The following GRIK1 variants were observed in gnomAD, a reference collection of about 807,000 sequenced individuals.
GRIK1 encodes glutamate receptor ionotropic, kainate 1.
Under a neutral mutation model 105.7 loss-of-function variants are expected in GRIK1, and 69 were observed. The observed-to-expected ratio is 0.65, with a 90% CI of 0.54 to 0.80. GRIK1 has a LOEUF of 0.80. Among genes scored for constraint, GRIK1 ranks in the 30% least tolerant of loss-of-function variants. The pLI, the probability that GRIK1 is intolerant of heterozygous loss-of-function variation, is 0.00. For missense variants in GRIK1, 1,109 were observed against 1,167.3 expected, an observed-to-expected ratio of 0.95 and a Z score of 0.73; for synonymous variants, 438 against 431.3, an observed-to-expected ratio of 1.02 and a Z score of -0.19.
At chr21:29,632,866 G>C (rs1225336581) in intron 7 of GRIK1, among the ~76,000 whole-genome samples, 1 of 152,156 alleles carries the variant, frequency 6.6e-6, no homozygotes, top group Non-Finnish European at 1.5e-5. Context: ...TTTCTTGTTG[G>C]AGACTGTTCA....
rs1360130324 is a variant in GRIK1, at chr21:29,596,372, A to G, written c.1251+154T>C. The G allele has an allele frequency of 6.6e-6, 5 of 755,688 alleles. No individual in the cohort carries two copies. In the African/African-American group the frequency reaches 8.5e-5, roughly 13 times the overall value. The allele number at this position is 755,688 out of a possible 1,614,324, so 46.8% of individuals were successfully genotyped here. On this transcript the variant is annotated intron_variant, in intron 9 of 17. Coordinates refer to ENST00000327783, the MANE Select transcript of GRIK1 (RefSeq NM_001330994.2). ...AGGTGATGTTGTTGAGAGAGATAAC[A>G]TATTCAATCACTCCTCTCTCTTTAC... is the stretch of plus-strand genomic sequence containing the variant.
intron 1 of GRIK1, among the ~76,000 whole-genome samples, chr21:29,780,811 C>T (rs943283645): frequency 2.6e-5 from 4 of 152,136 alleles, no homozygotes; most frequent in Non-Finnish European, 5.9e-5. Context: ...ATTGCTTCTG[C>T]CACACCTGCT....
intron 1 of GRIK1, among the ~76,000 whole-genome samples, chr21:29,811,410 A>G (rs931016778): frequency 2.0e-5 from 3 of 152,192 alleles, no homozygotes; most frequent in African/African-American, 4.8e-5. Flanking sequence ...TTGTGGGCAT[A>G]CAAATACAGT....
At chr21:29,652,907 T>C (rs555301338) in intron 5 of GRIK1, among the ~76,000 whole-genome samples, 1 of 152,366 alleles carries the variant, frequency 6.6e-6, no homozygotes, top group East Asian at 1.9e-4. Flanking sequence ...TGATGAACTC[T>C]CTCTTTCCCA....
chr21:29,647,429 C>A (rs1004339855), intron 6 of GRIK1, among the ~76,000 whole-genome samples: 1 of 152,156 alleles, frequency 6.6e-6, no homozygotes, highest in Non-Finnish European at 1.5e-5. Context: ...TCTTTCATCG[C>A]TGGAGTAGCA....
At chr21:29,825,230 G>A (rs960006318) in intron 1 of GRIK1, among the ~76,000 whole-genome samples, 2 of 152,024 alleles carry the variant, frequency 1.3e-5, no homozygotes, top group Admixed American at 6.6e-5. Context: ...GTTTATAGTG[G>A]CAAGAGCAAA....
chr21:29,932,369 A>G (rs943451472), intron 1 of GRIK1, among the ~76,000 whole-genome samples: 2 of 152,130 alleles, frequency 1.3e-5, no homozygotes, highest in African/African-American at 2.4e-5. Context: ...CTTACCTTAG[A>G]TTTCATTATG....
chr21:29,936,668 T>C (rs1178496904), intron 1 of GRIK1, among the ~76,000 whole-genome samples: 1 of 152,310 alleles, frequency 6.6e-6, no homozygotes, highest in Non-Finnish European at 1.5e-5. Flanking sequence ...TTGCATAAGA[T>C]TATAAACTTT....
At chr21:29,916,575 T>C (rs2071006958) in intron 1 of GRIK1, among the ~76,000 whole-genome samples, 1 of 151,848 alleles carries the variant, frequency 6.6e-6, no homozygotes, top group Non-Finnish European at 1.5e-5. Context: ...GAAAGAAAGA[T>C]AATAATCGAT....
intron 1 of GRIK1, among the ~76,000 whole-genome samples, chr21:29,848,279 G>A (rs1421413139): frequency 6.6e-6 from 1 of 152,104 alleles, no homozygotes; most frequent in Non-Finnish European, 1.5e-5. Flanking sequence ...TAGACTATCT[G>A]AGCTGGAATG....
chr21:29,707,483 T>G (rs111615152), intron 1 of GRIK1, among the ~76,000 whole-genome samples: 2,660 of 17,520 alleles, frequency 0.15, 178 homozygotes, highest in Admixed American at 0.28. Flanking sequence ...TCTCTCTTTC[T>G]CTTTGTTTGT....
At chr21:29,692,549 G>A (rs1338084996) in intron 2 of GRIK1, among the ~76,000 whole-genome samples, 2 of 152,140 alleles carry the variant, frequency 1.3e-5, no homozygotes, top group Non-Finnish European at 2.9e-5. Flanking sequence ...TCAGGCCATA[G>A]ATATAAAAAT....
chr21:29,821,572 A>G (rs1569130592), intron 1 of GRIK1, among the ~76,000 whole-genome samples: 1 of 152,050 alleles, frequency 6.6e-6, no homozygotes, highest in Non-Finnish European at 1.5e-5. Context: ...ATGGGGAGAT[A>G]TTAGTGTCAC....
chr21:29,573,401 G>T (rs538300100), intron 14 of GRIK1, among the ~76,000 whole-genome samples: 1 of 152,122 alleles, frequency 6.6e-6, no homozygotes, highest in African/African-American at 2.4e-5. Context: ...AGGAGAACCC[G>T]CTCTTTTTAT....
chr21:29,564,693 G>T (rs147089718), intron 14 of GRIK1, among the ~76,000 whole-genome samples: 1 of 152,086 alleles, frequency 6.6e-6, no homozygotes, highest in Non-Finnish European at 1.5e-5. Flanking sequence ...ACCTAGCTTT[G>T]GTCCTCCTGC....
chr21:29,623,593 T>C (rs2062056869), intron 7 of GRIK1, among the ~76,000 whole-genome samples: 1 of 152,234 alleles, frequency 6.6e-6, no homozygotes, highest in African/African-American at 2.4e-5. Context: ...TTCGTTTTTA[T>C]CTTTAATTGC....
At chr21:29,755,934 A>G (rs1183200716) in intron 1 of GRIK1, among the ~76,000 whole-genome samples, 2 of 152,230 alleles carry the variant, frequency 1.3e-5, no homozygotes, top group African/African-American at 4.8e-5. Context: ...AGAGAAATGC[A>G]AAGCATATTT....
At chr21:29,805,081 C>T (rs115431094) in intron 1 of GRIK1, among the ~76,000 whole-genome samples, 266 of 152,150 alleles carry the variant, frequency 1.7e-3, no homozygotes, top group African/African-American at 6.2e-3. Flanking sequence ...TGGGGATATG[C>T]AGCTTATGAA....
intron 1 of GRIK1, among the ~76,000 whole-genome samples, chr21:29,837,765 A>T (rs974425046): frequency 7.9e-5 from 12 of 152,306 alleles, no homozygotes; most frequent in African/African-American, 2.9e-4. Flanking sequence ...TAAAAAACTT[A>T]CCGTTTAGTA....
Sources: gnomAD v4.1 joint callset for allele counts (sites outside exome capture counted in the v4.1 genomes callset) on GRCh38, gnomAD v4.1.1 for gene constraint, MANE v1.5 for transcripts, NCBI Gene and HGNC (gene_info 2026-07-23, HGNC 2026-07-21) for gene names.